Variants in WDR7 observed in about 807,000 individuals in gnomAD.
WDR7 encodes the protein WD repeat domain 7.
In WDR7, 46 loss-of-function variants were observed where a neutral mutation model predicts 169.4. The observed-to-expected ratio is 0.27, with a 90% CI of 0.21 to 0.35. WDR7 has a LOEUF of 0.35. Ranked by LOEUF, WDR7 falls within the 10% of genes least tolerant of loss-of-function variation. The pLI, the probability that WDR7 is intolerant of heterozygous loss-of-function variation, is 1.00. For missense variants in WDR7, 1,534 were observed against 1,859.3 expected (o/e 0.83, Z 3.22); for synonymous variants, 612 against 666.8 (o/e 0.92, Z 1.27).
intron 19 of WDR7, among the ~76,000 whole-genome samples, chr18:56,786,320 C>T (rs1480057186): frequency 2.6e-5 from 4 of 152,088 alleles, no homozygotes; most frequent in African/African-American, 4.8e-5. Context: ...TGCCTGAGCT[C>T]AGGAGTTCAA....
intron 20 of WDR7, among the ~76,000 whole-genome samples, chr18:56,820,159 T>C (rs2145231675): frequency 6.6e-6 from 1 of 151,802 alleles, no homozygotes; most frequent in Admixed American, 6.6e-5. Context: ...CAACCTCACC[T>C]TAATTGCAGG....
At chr18:57,016,705 A>G (rs2048212017) in intron 26 of WDR7, among the ~76,000 whole-genome samples, 2 of 152,136 alleles carry the variant, frequency 1.3e-5, no homozygotes, top group Non-Finnish European at 2.9e-5. Context: ...ATGTGTGTTA[A>G]AAACTTGGGT....
intron 21 of WDR7, among the ~76,000 whole-genome samples, chr18:56,899,332 A>C (rs191546452): frequency 6.6e-6 from 1 of 152,210 alleles, no homozygotes; most frequent in Admixed American, 6.6e-5. Flanking sequence ...CCTCTAATTC[A>C]TTATTTTAAA....
chr18:56,655,624 A>AAAAAG, intron 1 of WDR7, among the ~76,000 whole-genome samples: 1 of 34,200 alleles, frequency 2.9e-5, no homozygotes, highest in African/African-American at 3.7e-5. Context: ...GTCTCAAAAA[A>AAAAAG]AAAAAAAAAA....
At chr18:56,824,950 A>G (rs915565853) in intron 20 of WDR7, among the ~76,000 whole-genome samples, 3 of 152,230 alleles carry the variant, frequency 2.0e-5, no homozygotes, top group African/African-American at 4.8e-5. Flanking sequence ...TTGCACGAGC[A>G]GAGAACTAGA....
At chr18:56,690,164 G>A (rs975350123) in intron 7 of WDR7, among the ~76,000 whole-genome samples, 1 of 152,080 alleles carries the variant, frequency 6.6e-6, no homozygotes, top group Non-Finnish European at 1.5e-5. Context: ...TTTAGCTTTG[G>A]CTCTATCACT....
At chr18:56,950,642 C>A (rs2047168405) in intron 25 of WDR7, among the ~76,000 whole-genome samples, 1 of 152,184 alleles carries the variant, frequency 6.6e-6, no homozygotes, top group African/African-American at 2.4e-5. Flanking sequence ...ACCTTTCCTA[C>A]AATCCAGTAC....
chr18:56,902,581 G>A (rs568683447), intron 21 of WDR7, among the ~76,000 whole-genome samples: 1 of 152,216 alleles, frequency 6.6e-6, no homozygotes, highest in Admixed American at 6.5e-5. Flanking sequence ...AAGGACTATT[G>A]TATCAAATAT....
At chr18:56,777,737 G>T (rs75422064) in intron 17 of WDR7, among the ~76,000 whole-genome samples, 4,011 of 152,212 alleles carry the variant, frequency 0.026, 73 homozygotes, top group African/African-American at 0.051. Flanking sequence ...CTTGCAATCT[G>T]GAATCTTCCA....
Position 56,815,673 on chromosome 18 carries a change from A to G in WDR7, c.3191-358A>G, listed in dbSNP as rs1281155403. On this transcript the variant is annotated intron_variant, in intron 19 of 27. Transcript: ENST00000254442. The stretch of plus-strand genomic sequence containing the variant: ...TAACATTAAAAAGAAGTAAACTTTT[A>G]AAACAATCCACACTTTCCTCTTTGT... 2.6e-5 allele frequency among the ~76,000 whole-genome samples: 4 copies of G among 152,212 alleles called. No individual in the cohort carries two copies. In the East Asian group the frequency reaches 7.7e-4, roughly 29 times the overall value.
At chr18:56,707,426 GTTT>G (rs1232820703) in intron 12 of WDR7, among the ~76,000 whole-genome samples, 2 of 123,860 alleles carry the variant, frequency 1.6e-5, no homozygotes, top group Non-Finnish European at 3.5e-5. Flanking sequence ...TTTGCGTTTT[GTTT>G]TTTTTTTTTT....
intron 20 of WDR7, among the ~76,000 whole-genome samples, chr18:56,864,550 C>A (rs1027986497): frequency 6.6e-6 from 1 of 151,572 alleles, no homozygotes; most frequent in African/African-American, 2.4e-5. Flanking sequence ...GAAAAAATTA[C>A]CGTGACCATC....
chr18:56,660,622 A>G (rs1361929148), intron 1 of WDR7, among the ~76,000 whole-genome samples: 2 of 151,264 alleles, frequency 1.3e-5, no homozygotes, highest in Admixed American at 1.3e-4. Context: ...AGAGAAGTCT[A>G]AGGACTAAGT....
chr18:56,720,924 G>A (rs1036015082), intron 13 of WDR7, among the ~76,000 whole-genome samples: 13 of 152,200 alleles, frequency 8.5e-5, no homozygotes, highest in Middle Eastern at 3.4e-3. Flanking sequence ...ATAATGGGAG[G>A]CATACATTGT....
chr18:56,661,530 G>C (rs2024904075), intron 1 of WDR7, among the ~76,000 whole-genome samples: 1 of 152,164 alleles, frequency 6.6e-6, no homozygotes, highest in Non-Finnish European at 1.5e-5. Flanking sequence ...AGAAATAAGT[G>C]TAGTCTCCTG....
intron 19 of WDR7, among the ~76,000 whole-genome samples, chr18:56,783,846 T>C (rs1212331355): frequency 6.6e-6 from 1 of 152,208 alleles, no homozygotes; most frequent in Admixed American, 6.5e-5. Flanking sequence ...TTTTATTTTA[T>C]TCCTGGGAAG....
intron 19 of WDR7, among the ~76,000 whole-genome samples, chr18:56,787,750 A>C (rs765621516): frequency 6.6e-6 from 1 of 152,228 alleles, no homozygotes; most frequent in Non-Finnish European, 1.5e-5. Flanking sequence ...TGATGATTAT[A>C]AAGTAGTGGT....
chr18:56,990,812 C>T (rs1224270639), intron 26 of WDR7, among the ~76,000 whole-genome samples: 2 of 152,176 alleles, frequency 1.3e-5, no homozygotes, highest in East Asian at 1.9e-4. Flanking sequence ...CCTCTGTGCT[C>T]AGGCTACACC....
chr18:57,027,016 C>G lies in WDR7; in HGVS notation c.4282C>G (p.Leu1428Val). 6.2e-7 allele frequency: 1 copy of G among 1,613,978 alleles called. No individual in the cohort carries two copies. ...CCTGTCCCTCCAGATGAACACGTCA[C>G]TGCTGGGAAGCATCGGCATGCTGAA... ...HISFWQMNTS[L>V]LGSIGMLNSA... Residue 1428 changes from leucine (L) to valine (V), a missense_variant, in exon 28 of 28, where the codon CTG becomes GTG. Coordinates refer to ENST00000254442, the MANE Select transcript of WDR7 (RefSeq NM_015285.3).
Sources: allele counts gnomAD v4.1 joint callset (sites outside exome capture counted in the v4.1 genomes callset), GRCh38; gene constraint gnomAD v4.1.1; transcripts MANE v1.5; gene names NCBI Gene and HGNC (gene_info 2026-07-23, HGNC 2026-07-21).